The following SRGAP1 variants were observed in gnomAD, a reference collection of about 807,000 sequenced individuals.
SRGAP1 encodes the protein SLIT-ROBO Rho GTPase-activating protein 1.
A neutral mutation model predicts 121.9 loss-of-function variants in SRGAP1; 43 were observed. The observed-to-expected ratio is 0.35, with a 90% CI of 0.28 to 0.46. The LOEUF is 0.46. Among genes scored for constraint, SRGAP1 ranks in the 20% least tolerant of loss-of-function variants. The pLI is 1.00. For missense variants in SRGAP1, 1,102 were observed against 1,350.9 expected, an observed-to-expected ratio of 0.82 and a Z score of 2.89; for synonymous variants, 447 against 485.4, an observed-to-expected ratio of 0.92 and a Z score of 1.04.
chr12:64,107,914 C>G (rs2036370954), intron 15 of SRGAP1, among the ~76,000 whole-genome samples: 1 of 152,054 alleles, frequency 6.6e-6, no homozygotes, highest in Admixed American at 6.6e-5. Context: ...AGAAAGGCAA[C>G]CAGACTTATG....
intron 16 of SRGAP1, among the ~76,000 whole-genome samples, chr12:64,109,344 G>A (rs2036396056): frequency 6.6e-6 from 1 of 152,158 alleles, no homozygotes; most frequent in South Asian, 2.1e-4. Context: ...ATCCAAAACT[G>A]TCATGAATGT....
chr12:63,889,687 A>G (rs528764796), intron 1 of SRGAP1, among the ~76,000 whole-genome samples: 1 of 152,278 alleles, frequency 6.6e-6, no homozygotes, highest in East Asian at 1.9e-4. Flanking sequence ...AGGCAGGCAG[A>G]TCATGAGGGC....
intron 15 of SRGAP1, among the ~76,000 whole-genome samples, chr12:64,100,757 G>A (rs920739807): frequency 2.6e-5 from 4 of 152,080 alleles, no homozygotes; most frequent in African/African-American, 4.8e-5. Context: ...AGAAAGAGAG[G>A]ATTCTTGGAT....
intron 1 of SRGAP1, among the ~76,000 whole-genome samples, chr12:63,971,245 G>T (rs1047554347): frequency 6.6e-6 from 1 of 152,110 alleles, no homozygotes; most frequent in South Asian, 2.1e-4. Context: ...CCATGATAGG[G>T]CTTATTACCT....
Position 64,150,934 on chromosome 12 carries a change from C to CAAAAAAAAAAAAAAAAAAAAAAAAAAAAA in SRGAP1, c.*8288_*8289insAAAAAAAAAAAAAAAAAAAAAAAAAAAAA, listed in dbSNP as rs750351170. 4.0e-5 allele frequency: 1 copy of CAAAAAAAAAAAAAAAAAAAAAAAAAAAAA among 24,718 alleles called. No individual in the cohort carries two copies. Among genetic ancestry groups the CAAAAAAAAAAAAAAAAAAAAAAAAAAAAA allele is most frequent in the African/African-American group, 8.9e-5 (1 of 11,222 alleles). The allele number at this position is 24,718 out of a possible 1,614,324, so 1.5% of individuals were successfully genotyped here. On this transcript the variant is annotated 3_prime_UTR_variant, in exon 22 of 22. Transcript: ENST00000355086. ...TGGGTGGAAGAGTGAGAAGCTATCT[C>CAAAAAAAAAAAAAAAAAAAAAAAAAAAAA]AAAAAAAAAAAAAAAAAAAAAAAAA... is the stretch of plus-strand genomic sequence containing the variant.
chr12:63,946,100 A>C (rs1010838022), intron 1 of SRGAP1, among the ~76,000 whole-genome samples: 5 of 152,168 alleles, frequency 3.3e-5, no homozygotes, highest in African/African-American at 1.2e-4. Flanking sequence ...TATTCAACTG[A>C]AAATATCTCC....
intron 4 of SRGAP1, among the ~76,000 whole-genome samples, chr12:64,024,152 C>T (rs1296156076): frequency 1.3e-5 from 2 of 152,162 alleles, no homozygotes; most frequent in Non-Finnish European, 2.9e-5. Context: ...GGATATGAAG[C>T]CGGGTGTGGT....
At chr12:63,851,792 C>T (rs1025290861) in intron 1 of SRGAP1, among the ~76,000 whole-genome samples, 2 of 151,920 alleles carry the variant, frequency 1.3e-5, no homozygotes, top group Non-Finnish European at 2.9e-5. Flanking sequence ...GTCTCGAACT[C>T]CTGACCTCAA....
At chr12:64,008,946 C>T (rs1285161851) in intron 3 of SRGAP1, among the ~76,000 whole-genome samples, 1 of 152,106 alleles carries the variant, frequency 6.6e-6, no homozygotes, top group African/African-American at 2.4e-5. Flanking sequence ...CTTATAATCC[C>T]AGCCACCTGA....
chr12:63,917,699 A>G (rs991738324), intron 1 of SRGAP1, among the ~76,000 whole-genome samples: 1 of 152,194 alleles, frequency 6.6e-6, no homozygotes, highest in Non-Finnish European at 1.5e-5. Flanking sequence ...CTATTTGAAT[A>G]TGGTCTCTAT....
intron 4 of SRGAP1, among the ~76,000 whole-genome samples, chr12:64,028,986 C>G (rs2034714344): frequency 6.6e-6 from 1 of 152,164 alleles, no homozygotes; most frequent in African/African-American, 2.4e-5. Flanking sequence ...ATTTTTCCAA[C>G]CTTACAGGTA....
At chr12:63,896,763 G>A (rs1900767231) in intron 1 of SRGAP1, among the ~76,000 whole-genome samples, 1 of 152,166 alleles carries the variant, frequency 6.6e-6, no homozygotes, top group Non-Finnish European at 1.5e-5. Context: ...TGGCCCATGA[G>A]CCATCACTTT....
At chr12:64,005,691 A>G (rs1476288343) in intron 3 of SRGAP1, among the ~76,000 whole-genome samples, 1 of 151,696 alleles carries the variant, frequency 6.6e-6, no homozygotes, top group Non-Finnish European at 1.5e-5. Flanking sequence ...CTTTAGCTCT[A>G]AAGATGGAGA....
intron 1 of SRGAP1, among the ~76,000 whole-genome samples, chr12:63,904,267 T>C (rs1425658048): frequency 1.3e-5 from 2 of 152,186 alleles, no homozygotes; most frequent in African/African-American, 2.4e-5. Context: ...CTTGCAGTTA[T>C]ATATGAACAT....
At chr12:63,934,148 C>T (rs1342035549) in intron 1 of SRGAP1, among the ~76,000 whole-genome samples, 2 of 152,194 alleles carry the variant, frequency 1.3e-5, no homozygotes, top group African/African-American at 2.4e-5. Flanking sequence ...GGAGACTCTT[C>T]CTACTTATGT....
At chr12:63,848,637 C>T (rs745483487) in intron 1 of SRGAP1, among the ~76,000 whole-genome samples, 23 of 151,804 alleles carry the variant, frequency 1.5e-4, no homozygotes, top group Admixed American at 3.9e-4. Flanking sequence ...CTCTGCCTTC[C>T]GGTTTCAAGT....
intron 15 of SRGAP1, 115 bp downstream of exon 15, chr12:64,097,490 A>G (rs1297277021): frequency 4.8e-6 from 5 of 1,051,430 alleles, no homozygotes; most frequent in Admixed American, 7.6e-5. Context: ...CATTACCACC[A>G]TATTTCTGGG....
chr12:63,909,840 G>A (rs2030408213), intron 1 of SRGAP1, among the ~76,000 whole-genome samples: 2 of 152,252 alleles, frequency 1.3e-5, no homozygotes, highest in Non-Finnish European at 2.9e-5. Context: ...AGGCATTGAT[G>A]CTGCAGTCTG....
At chr12:63,888,493 C>T (rs1198912064) in intron 1 of SRGAP1, 1 of 152,160 alleles carries the variant, frequency 6.6e-6, no homozygotes, top group Admixed American at 6.5e-5. Context: ...CACCAGATCA[C>T]ATGGTTGGAC....
Sources: gnomAD v4.1 joint callset for allele counts (sites outside exome capture counted in the v4.1 genomes callset) on GRCh38, gnomAD v4.1.1 for gene constraint, MANE v1.5 for transcripts, NCBI Gene and HGNC (gene_info 2026-07-23, HGNC 2026-07-21) for gene names.